LYN: variants seen among roughly 807,000 people sequenced by gnomAD.
LYN encodes the protein tyrosine-protein kinase Lyn.
LYN carries 12 observed loss-of-function variants against 65.0 expected under a neutral mutation model. The observed-to-expected ratio is 0.18, with a 90% CI of 0.12 to 0.30. The LOEUF is 0.30. Among genes scored for constraint, LYN ranks in the 10% least tolerant of loss-of-function variants. The pLI is 1.00. For synonymous variants in LYN, 222 were observed against 221.2 expected, an observed-to-expected ratio of 1.00 and a Z score of -0.03; for missense variants, 380 against 623.2, an observed-to-expected ratio of 0.61 and a Z score of 4.16.
intron 1 of LYN, among the ~76,000 whole-genome samples, chr8:55,932,953 A>C (rs189043488): frequency 6.6e-6 from 1 of 152,296 alleles, no homozygotes; most frequent in East Asian, 1.9e-4. Context: ...TAGACACGGG[A>C]GACTACTAAA....
intron 10 of LYN, among the ~76,000 whole-genome samples, chr8:55,971,045 A>G (rs1426798070): frequency 2.6e-5 from 4 of 152,206 alleles, no homozygotes; most frequent in African/African-American, 9.7e-5. Flanking sequence ...AAGGTGTGTG[A>G]TGGGTGAGTC....
At chr8:55,924,592 G>A (rs931413595) in intron 1 of LYN, among the ~76,000 whole-genome samples, 3 of 151,830 alleles carry the variant, frequency 2.0e-5, no homozygotes, top group African/African-American at 7.3e-5. Context: ...TTGAACTCCT[G>A]ACCTCACGTA....
chr8:55,938,121 G>T (rs1237942207), intron 1 of LYN, among the ~76,000 whole-genome samples: 1 of 152,140 alleles, frequency 6.6e-6, no homozygotes, highest in Non-Finnish European at 1.5e-5. Context: ...ACCCCTAATG[G>T]ATATTCATTC....
intron 10 of LYN, among the ~76,000 whole-genome samples, chr8:55,978,060 C>T (rs190813988): frequency 1.3e-3 from 201 of 152,310 alleles, no homozygotes; most frequent in Middle Eastern, 6.8e-3. Flanking sequence ...CAAGAAGCAC[C>T]TGAAGGAGTT....
At chr8:55,989,317 A>G (rs148252653) in intron 10 of LYN, among the ~76,000 whole-genome samples, 1 of 152,360 alleles carries the variant, frequency 6.6e-6, no homozygotes, top group East Asian at 1.9e-4. Flanking sequence ...TTTGTAAAAC[A>G]TAATTGAGAT....
At chr8:55,971,105 G>T (rs75299198) in intron 10 of LYN, among the ~76,000 whole-genome samples, 4 of 152,170 alleles carry the variant, frequency 2.6e-5, no homozygotes, top group Non-Finnish European at 2.9e-5. Flanking sequence ...AGCCTAACAG[G>T]TTCCTCATCT....
chr8:55,899,384 T>C (rs1805198320), intron 1 of LYN, among the ~76,000 whole-genome samples: 1 of 152,208 alleles, frequency 6.6e-6, no homozygotes, highest in African/African-American at 2.4e-5. Flanking sequence ...TGAAAGGTTA[T>C]TTTTTAAAAA....
chr8:55,909,219 C>T (rs1016492279), intron 1 of LYN, among the ~76,000 whole-genome samples: 2 of 151,892 alleles, frequency 1.3e-5, no homozygotes, highest in East Asian at 3.9e-4. Flanking sequence ...GAATGTGTGC[C>T]ACGTGATGGG....
intron 1 of LYN, among the ~76,000 whole-genome samples, chr8:55,909,245 A>G (rs959490722): frequency 5.3e-5 from 8 of 151,856 alleles, no homozygotes; most frequent in African/African-American, 1.7e-4. Context: ...GTGCGACTGC[A>G]TTTCCAGCTG....
intron 1 of LYN, among the ~76,000 whole-genome samples, chr8:55,886,338 C>G (rs1804793351): frequency 6.7e-6 from 1 of 150,308 alleles, no homozygotes; most frequent in South Asian, 2.1e-4. Flanking sequence ...CTCCCAGGTT[C>G]AAGCGATTCT....
chr8:55,937,243 T>C (rs1449271012), intron 1 of LYN, among the ~76,000 whole-genome samples: 1 of 152,216 alleles, frequency 6.6e-6, no homozygotes, highest in Non-Finnish European at 1.5e-5. Context: ...TCCTCTTAGA[T>C]TTTTTTCCTG....
Position 55,947,483 on chromosome 8 carries a change from A to T in LYN, c.179-135A>T, listed in dbSNP as rs1806812502. The stretch of plus-strand genomic sequence containing the variant: ...TGTGGGCCGTGCAGACCCTGAGCCC[A>T]CTAGGCAGGAAGCACATGTCCTTCT... On this transcript the variant is annotated intron_variant, in intron 3 of 12. Coordinates refer to ENST00000519728, the MANE Select transcript of LYN (RefSeq NM_002350.4). 4.5e-6 allele frequency: 3 copies of T among 673,932 alleles called. No homozygotes were observed. In the African/African-American group the frequency reaches 5.3e-5, roughly 12 times the overall value. The allele number at this position is 673,932 out of a possible 1,614,324, so 41.7% of individuals were successfully genotyped here.
intron 12 of LYN, among the ~76,000 whole-genome samples, chr8:56,006,811 C>A (rs967426896): frequency 3.1e-4 from 47 of 152,250 alleles, no homozygotes; most frequent in African/African-American, 1.0e-3. Flanking sequence ...TAGCGACAGG[C>A]CAACACCAAC....
rs188538014 is a variant in LYN, at chr8:55,894,983, T to C, written c.-6+14880T>C. 6.7e-3 allele frequency among the ~76,000 whole-genome samples: 1,010 copies of C among 151,824 alleles called. 8 individuals carry two copies. The highest frequency in any genetic ancestry group is 0.013 in the Admixed American group (204 of 15,270). ...CAGGTGTGAGCCACAGTGCCAAGCC[T>C]AAAATTTTTTGTATAGTTGGGGATC... On this transcript the variant is annotated intron_variant, in intron 1 of 12. Coordinates refer to ENST00000519728, the MANE Select transcript of LYN (RefSeq NM_002350.4).
intron 1 of LYN, among the ~76,000 whole-genome samples, chr8:55,927,798 T>G (rs1055450259): frequency 6.6e-6 from 1 of 151,932 alleles, no homozygotes; most frequent in Admixed American, 6.6e-5. Context: ...ATCACACCAC[T>G]GTACCCCTGC....
intron 10 of LYN, among the ~76,000 whole-genome samples, chr8:55,984,377 T>C (rs1053421924): frequency 1.3e-5 from 2 of 152,176 alleles, no homozygotes; most frequent in African/African-American, 4.8e-5. Context: ...CATGTCAAAC[T>C]CAATGCACCC....
intron 10 of LYN, among the ~76,000 whole-genome samples, chr8:55,984,106 T>C (rs1484536156): frequency 1.3e-5 from 2 of 152,170 alleles, no homozygotes; most frequent in Non-Finnish European, 2.9e-5. Context: ...CCTTCTCTCA[T>C]AAAGATACCA....
intron 11 of LYN, 55 bp from the exon 12 acceptor site, chr8:55,999,363 A>C (rs1347594874): frequency 6.6e-7 from 1 of 1,516,696 alleles, no homozygotes; most frequent in Non-Finnish European, 9.1e-7. Context: ...CATGTTCATG[A>C]CTTTTTTGTT....
At chr8:55,934,893 C>G (rs903056278) in intron 1 of LYN, among the ~76,000 whole-genome samples, 2 of 152,216 alleles carry the variant, frequency 1.3e-5, no homozygotes, top group African/African-American at 2.4e-5. Flanking sequence ...TCAGACACCT[C>G]TTTCTCACTT....
Sources: gnomAD v4.1 joint callset for allele counts (sites outside exome capture counted in the v4.1 genomes callset) on GRCh38, gnomAD v4.1.1 for gene constraint, MANE v1.5 for transcripts, NCBI Gene and HGNC (gene_info 2026-07-23, HGNC 2026-07-21) for gene names.